Variants in AGBL3 observed in about 807,000 individuals in gnomAD.
The protein encoded by AGBL3 is cytosolic carboxypeptidase 3.
Under a neutral mutation model 94.5 loss-of-function variants are expected in AGBL3, and 68 were observed. The observed-to-expected ratio is 0.72, with a 90% confidence interval of 0.59 to 0.88. The LOEUF is 0.88. Among genes scored for constraint, AGBL3 ranks in the 40% least tolerant of loss-of-function variants. The pLI is 0.00. For missense variants in AGBL3, 934 were observed against 1,103.8 expected (o/e 0.85, Z 2.18); for synonymous variants, 354 against 370.7 (o/e 0.95, Z 0.52).
intron 10 of AGBL3, 83 bp from the exon 11 acceptor site, chr7:135,045,716 T>C: frequency 7.5e-7 from 1 of 1,326,478 alleles, no homozygotes; most frequent in East Asian, 2.5e-5. Context: ...GTAACAATTG[T>C]TCCAGGTGTC....
At chr7:135,079,498 C>T (rs1243760085) in intron 13 of AGBL3, among the ~76,000 whole-genome samples, 3 of 152,078 alleles carry the variant, frequency 2.0e-5, no homozygotes, top group Non-Finnish European at 4.4e-5. Flanking sequence ...CGGAGTCTAG[C>T]TCTGTCGCCC....
intron 15 of AGBL3, among the ~76,000 whole-genome samples, chr7:135,082,094 C>T (rs1820968588): frequency 6.6e-6 from 1 of 152,160 alleles, no homozygotes. Context: ...GTGACAAGTA[C>T]TTTACTAAAT....
intron 4 of AGBL3, among the ~76,000 whole-genome samples, chr7:135,005,113 C>T (rs2133429628): frequency 6.6e-6 from 1 of 151,590 alleles, no homozygotes; most frequent in South Asian, 2.1e-4. Context: ...ATCTATCCAT[C>T]CCTCTCTTTA....
intron 5 of AGBL3, among the ~76,000 whole-genome samples, chr7:135,026,244 A>ATTATTTTATTCTATTTTATTTTATTTTAT (rs1815082280): frequency 1.2e-5 from 1 of 81,464 alleles, no homozygotes. Context: ...AATGAATACC[A>ATTATTTTATTCTATTTTATTTTATTTTAT]TTATTTTATT....
chr7:134,999,799 C>T (rs142430368), intron 4 of AGBL3, among the ~76,000 whole-genome samples: 162 of 152,368 alleles, frequency 1.1e-3, no homozygotes, highest in Non-Finnish European at 1.9e-3. Context: ...ACTGCAAGGA[C>T]AGCATATAGT....
Position 135,034,543 on chromosome 7 carries a change from G to T in AGBL3, c.952G>T (p.Val318Leu), listed in dbSNP as rs1215241093. The change falls in exon 7 of 17, where the codon GTA (valine) becomes TTA (leucine). Residue 318 changes from valine to leucine, a missense_variant. This residue lies in a region of AGBL3 where 488 missense variants were observed against 563.6 expected (regional missense o/e 0.87). Transcript: ENST00000436302. ...CCTTTCTGGCATCAATAATGATCCAGTACGGTCAAAGTTTTGTAAAATACG... is the reference window on the plus strand; with the variant it reads ...CCTTTCTGGCATCAATAATGATCCATTACGGTCAAAGTTTTGTAAAATACG... Reference protein sequence around the residue: ...EYLSGINNDPVRSKFCKIRVL... With the variant: ...EYLSGINNDPLRSKFCKIRVL... 23 of 1,551,792 alleles carry T rather than the reference G, an allele frequency of 1.5e-5. No homozygotes were observed. Among genetic ancestry groups the T allele is most frequent in the Non-Finnish European group, 1.9e-5 (22 of 1,147,040 alleles).
At chr7:135,129,974 A>C (rs1285112440) in intron 16 of AGBL3, among the ~76,000 whole-genome samples, 7 of 152,208 alleles carry the variant, frequency 4.6e-5, no homozygotes, top group Admixed American at 4.6e-4. Flanking sequence ...GTTAAAAATT[A>C]AATATTTATT....
intron 15 of AGBL3, among the ~76,000 whole-genome samples, chr7:135,111,017 G>T (rs1177299500): frequency 6.6e-6 from 1 of 152,092 alleles, no homozygotes; most frequent in African/African-American, 2.4e-5. Flanking sequence ...ATTCTCCAAA[G>T]TAACTATTCT....
At position 134,993,602 on chromosome 7, in the gene AGBL3, C is replaced by T. The variant is rs770641709; in HGVS notation, c.234C>T (p.Val78=). Residue 78 remains valine (V), a synonymous_variant, in exon 4 of 17, where the codon GTC becomes GTT. Transcript: ENST00000436302. ...GTGAACCAAGGGATTTATATGGTGT[C>T]TCTTCTTCTGGTCCATTGAGCCCAA... is the stretch of plus-strand genomic sequence containing the variant. ...RLREPRDLYG[V]SSSGPLSPTR... is the part of the protein sequence containing the mutation. 5.2e-6 allele frequency: 8 copies of T among 1,552,000 alleles called. No individual in the cohort carries two copies. Among genetic ancestry groups the T allele is most frequent in the Non-Finnish European group, 7.0e-6 (8 of 1,147,070 alleles).
At chr7:135,091,787 C>T (rs73153760) in intron 15 of AGBL3, among the ~76,000 whole-genome samples, 11,190 of 152,218 alleles carry the variant, frequency 0.074, 611 homozygotes, top group Non-Finnish European at 0.098. Flanking sequence ...CTGAAATATA[C>T]TTCTCCCTCT....
At chr7:135,127,419 G>T (rs1030942398) in intron 16 of AGBL3, among the ~76,000 whole-genome samples, 2 of 152,128 alleles carry the variant, frequency 1.3e-5, no homozygotes, top group Non-Finnish European at 2.9e-5. Flanking sequence ...GGGGTGTGGT[G>T]GCGCACGCCT....
At chr7:135,012,567 T>C (rs1168661022) in intron 4 of AGBL3, 2 of 152,156 alleles carry the variant, frequency 1.3e-5, no homozygotes, top group African/African-American at 4.8e-5. Flanking sequence ...TAGATTTTTT[T>C]AATGGGCACA....
intron 16 of AGBL3, 117 bp from the exon 17 acceptor site, chr7:135,134,724 T>C (rs1444196861): frequency 1.0e-6 from 1 of 987,346 alleles, no homozygotes; most frequent in Non-Finnish European, 1.4e-6. Flanking sequence ...TTCTTAAACT[T>C]TAAGAAGTTA....
intron 15 of AGBL3, chr7:135,092,886 C>T (rs1822059979): frequency 6.6e-6 from 1 of 151,776 alleles, no homozygotes; most frequent in African/African-American, 2.4e-5. Context: ...GAAAATTAAA[C>T]AATATAATAT....
intron 16 of AGBL3, among the ~76,000 whole-genome samples, chr7:135,131,551 G>C (rs1227807616): frequency 6.6e-6 from 1 of 151,770 alleles, no homozygotes; most frequent in Non-Finnish European, 1.5e-5. Flanking sequence ...TATAGCTAAA[G>C]CAGTACTGAT....
At chr7:135,079,586 C>T (rs1445194950) in intron 13 of AGBL3, among the ~76,000 whole-genome samples, 3 of 151,492 alleles carry the variant, frequency 2.0e-5, no homozygotes, top group African/African-American at 7.3e-5. Context: ...CTGCCTCAGC[C>T]TTCCAAGTAG....
At chr7:135,069,648 C>A (rs1819690611) in intron 12 of AGBL3, among the ~76,000 whole-genome samples, 1 of 152,074 alleles carries the variant, frequency 6.6e-6, no homozygotes, top group Non-Finnish European at 1.5e-5. Flanking sequence ...GAAATGAAGG[C>A]AGAAATAAAG....
intron 11 of AGBL3, among the ~76,000 whole-genome samples, chr7:135,054,370 A>G (rs766782583): frequency 2.8e-4 from 42 of 152,354 alleles, no homozygotes; most frequent in Admixed American, 2.2e-3. Flanking sequence ...AATTCCTTTT[A>G]TAGCTGCTGC....
rs1809695322 is a variant in AGBL3, at chr7:134,988,023, T to C, written c.63+27T>C. 2.7e-6 allele frequency: 4 copies of C among 1,487,782 alleles called. No individual in the cohort carries two copies. The African/African-American group carries it at 4.2e-5, about 16-fold the overall frequency. The allele number at this position is 1,487,782 out of a possible 1,614,324, so 92.2% of individuals were successfully genotyped here. A position where few individuals can be genotyped will look rare whatever the true frequency, so the allele number is the denominator to read the frequency against. On this transcript the variant is annotated intron_variant, in intron 2 of 16. Coordinates refer to ENST00000436302, the MANE Select transcript of AGBL3 (RefSeq NM_178563.4). ...TATGTTTTTCTCAACTTTATTTTAC[T>C]TGGAGATAAAATTTGTATTATATAA...
Sources: gnomAD v4.1 joint callset for allele counts (sites outside exome capture counted in the v4.1 genomes callset) on GRCh38, gnomAD v4.1.1 for gene constraint, gnomAD v4.1.1 regional missense constraint, MANE v1.5 for transcripts, NCBI Gene and HGNC (gene_info 2026-07-23, HGNC 2026-07-21) for gene names.